The following IQSEC1 variants were observed in gnomAD, a reference collection of about 807,000 sequenced individuals.
IQSEC1 encodes the protein IQ motif and Sec7 domain ArfGEF 1.
A neutral mutation model predicts 91.0 loss-of-function variants in IQSEC1; 31 were observed. That is an observed-to-expected ratio of 0.34 (90% confidence interval 0.26 to 0.46). The LOEUF (loss-of-function observed/expected upper bound fraction) is 0.46, where lower values mean the gene tolerates loss of function less well. Ranked by LOEUF, IQSEC1 falls within the 20% of genes least tolerant of loss-of-function variation. The probability of loss-of-function intolerance (pLI) is 1.00; values close to 1 mark genes in which losing one functional copy is unlikely to be tolerated. For synonymous variants in IQSEC1, 699 were observed against 662.6 expected (o/e 1.05, Z -0.84); for missense variants, 1,388 against 1,575.6 (o/e 0.88, Z 2.02).
intron 2 of IQSEC1, among the ~76,000 whole-genome samples, chr3:13,128,286 T>C (rs1038905027): frequency 6.6e-6 from 1 of 152,230 alleles, no homozygotes; most frequent in African/African-American, 2.4e-5. Context: ...AATATACTAA[T>C]GATGCTATCA....
chr3:13,125,677 G>C (rs570683682), intron 2 of IQSEC1, among the ~76,000 whole-genome samples: 5 of 152,338 alleles, frequency 3.3e-5, no homozygotes, highest in African/African-American at 1.2e-4. Flanking sequence ...TGAGATAACA[G>C]CATCATCCAC....
In IQSEC1 at chr3:12,899,997, C is replaced by T. The variant is rs1489370308; in HGVS notation, c.*986G>A. 4 of 985,292 alleles carry T rather than the reference C, an allele frequency of 4.1e-6. No homozygotes were observed. The highest frequency in any genetic ancestry group is 9.4e-5 in the South Asian group (2 of 21,270). The allele number at this position is 985,292 out of a possible 1,614,324, so 61.0% of individuals were successfully genotyped here. On this transcript the variant is annotated 3_prime_UTR_variant, in exon 14 of 14. Coordinates refer to ENST00000613206, the MANE Select transcript of IQSEC1 (RefSeq NM_001134382.3). ...ATGGATCATGGAGAGTCACAGTTATCGCAGCCATTAAAGTGTCTAAGAATC... is the reference window on the plus strand; with the variant it reads ...ATGGATCATGGAGAGTCACAGTTATTGCAGCCATTAAAGTGTCTAAGAATC...
At chr3:13,165,241 A>G (rs989916053) in intron 1 of IQSEC1, among the ~76,000 whole-genome samples, 1 of 152,084 alleles carries the variant, frequency 6.6e-6, no homozygotes, top group East Asian at 1.9e-4. Flanking sequence ...TTCAGCATCA[A>G]TGCACAGCAA....
chr3:13,178,926 G>C (rs182062632), intron 1 of IQSEC1, among the ~76,000 whole-genome samples: 1 of 152,010 alleles, frequency 6.6e-6, no homozygotes, highest in African/African-American at 2.4e-5. Context: ...AAACACCTTC[G>C]GTCATCCCAA....
At chr3:13,244,403 TACA>T (rs1423111393) in intron 1 of IQSEC1, among the ~76,000 whole-genome samples, 2 of 152,306 alleles carry the variant, frequency 1.3e-5, no homozygotes, top group East Asian at 1.9e-4. Context: ...CAGCTGAAAT[TACA>T]ACAATTACAC....
intron 1 of IQSEC1, among the ~76,000 whole-genome samples, chr3:13,228,830 A>G (rs778439926): frequency 2.6e-4 from 39 of 152,288 alleles, no homozygotes; most frequent in Non-Finnish European, 4.3e-4. Context: ...CTCGGTACCG[A>G]CAGGATCCCT....
intron 2 of IQSEC1, among the ~76,000 whole-genome samples, chr3:13,096,242 A>C (rs1705952364): frequency 6.6e-6 from 1 of 152,226 alleles, no homozygotes; most frequent in Non-Finnish European, 1.5e-5. Context: ...AGTGGGAGGC[A>C]CAGGTAAGAC....
At chr3:12,902,898 C>T in intron 12 of IQSEC1, 76 bp from the exon 13 acceptor site, 2 of 1,109,166 alleles carry the variant, frequency 1.8e-6, no homozygotes, top group Non-Finnish European at 2.8e-6. Context: ...TGCCACGCTG[C>T]TGCCACGGAG....
chr3:12,910,522 C>T (rs902033343), intron 10 of IQSEC1, among the ~76,000 whole-genome samples: 1 of 152,228 alleles, frequency 6.6e-6, no homozygotes, highest in Admixed American at 6.5e-5. Flanking sequence ...TGGCACTGGC[C>T]TCCCCTGGGA....
At chr3:13,071,558 GGGAAA>G (rs1705428484) in intron 1 of IQSEC1, among the ~76,000 whole-genome samples, 1 of 152,182 alleles carries the variant, frequency 6.6e-6, no homozygotes, top group Non-Finnish European at 1.5e-5. Context: ...GTTCCACGCT[GGGAAA>G]GGATTTACTA....
At chr3:12,907,593 G>C (rs1022791992) in intron 12 of IQSEC1, among the ~76,000 whole-genome samples, 1 of 152,212 alleles carries the variant, frequency 6.6e-6, no homozygotes, top group African/African-American at 2.4e-5. Flanking sequence ...GGCACCCACC[G>C]GTCGGCCAGT....
intron 1 of IQSEC1, among the ~76,000 whole-genome samples, chr3:12,981,458 G>A (rs527798335): frequency 3.3e-5 from 5 of 152,026 alleles, no homozygotes; most frequent in African/African-American, 1.2e-4. Context: ...GACATCTCTG[G>A]GGGGGAGAAC....
rs751582232 is a variant in IQSEC1 at position 12,943,622 on chromosome 3, GCCTCCTTCAGA to G, written c.24-1768_24-1758del. Among the ~76,000 whole-genome samples the G allele has an allele frequency of 6.2e-4, 95 of 152,288 alleles. 2 individuals carry two copies. The highest frequency in any genetic ancestry group is 6.8e-3 in the Middle Eastern group (2 of 294). Reference sequence around the variant, plus strand: ...CTCAGCTGCGGTGCCCCCTCCTGGTGCCTCCTTCAGACCTCCTTCAGACCCAGGGCAGTGGG... The same window carrying G: ...CTCAGCTGCGGTGCCCCCTCCTGGTGCCTCCTTCAGACCCAGGGCAGTGGG... On this transcript the variant is annotated intron_variant, in intron 1 of 13. Coordinates refer to ENST00000613206, the MANE Select transcript of IQSEC1 (RefSeq NM_001134382.3).
In IQSEC1 at chr3:12,936,207, G is replaced by C. The variant is rs749332755; in HGVS notation, c.809C>G (p.Ala270Gly). 5.0e-6 allele frequency: 8 copies of C among 1,612,872 alleles called. No homozygotes were observed. In the South Asian group the frequency reaches 8.8e-5, roughly 18 times the overall value. Residue 270 changes from alanine to glycine, a missense_variant, in exon 3 of 14, where the codon GCC (alanine) becomes GGC (glycine). Ala to Gly is a moderately conservative substitution (Grantham distance 60). This residue lies in a region of IQSEC1 where 1,059 missense variants were observed against 1,317.8 expected (regional missense o/e 0.80). Transcript: ENST00000613206. ...TTTGCGGTGGTCCATGCCGTGCAGG[G>C]CTGTCTGGGGTTCGGTGTCCCGGGC... ...ARARDTEPQT[A>G]LHGMDHRKLD...
At chr3:13,197,061 C>T (rs890299217) in intron 1 of IQSEC1, among the ~76,000 whole-genome samples, 10 of 152,090 alleles carry the variant, frequency 6.6e-5, no homozygotes, top group Non-Finnish European at 1.3e-4. Flanking sequence ...CCCCTGTGCC[C>T]TGGGACACTG....
intron 1 of IQSEC1, among the ~76,000 whole-genome samples, chr3:12,953,767 T>A (rs1380312642): frequency 6.6e-6 from 1 of 152,180 alleles, no homozygotes; most frequent in African/African-American, 2.4e-5. Flanking sequence ...CACCCTAATG[T>A]TGTCATGACA....
chr3:12,915,713 T>A lies in IQSEC1; in HGVS notation c.2041A>T (p.Ile681Phe). The A allele has an allele frequency of 1.2e-6, 2 of 1,614,118 alleles. No homozygotes were observed. Among genetic ancestry groups the A allele is most frequent in the Non-Finnish European group, 1.7e-6 (2 of 1,179,988 alleles). Residue 681 changes from isoleucine to phenylalanine, a missense_variant, in exon 7 of 14, where the codon ATT becomes TTT. Ile to Phe is a conservative substitution (Grantham distance 21). Coordinates refer to ENST00000613206, the MANE Select transcript of IQSEC1 (RefSeq NM_001134382.3). ...NLRGVDDGED[I>F]PREMLMGIYE... is the part of the protein sequence containing the mutation. ...ATCCCCATCAGCATCTCACGGGGAA[T>A]GTCCTCACCATCGTCCACACCTGGG...
chr3:13,070,502 A>G (rs571181010), intron 1 of IQSEC1, among the ~76,000 whole-genome samples: 1 of 152,224 alleles, frequency 6.6e-6, no homozygotes, highest in Non-Finnish European at 1.5e-5. Context: ...AGGTCTGAGC[A>G]GCAGGTGCTG....
intron 1 of IQSEC1, among the ~76,000 whole-genome samples, chr3:13,024,457 C>T (rs1334139969): frequency 1.3e-5 from 2 of 150,664 alleles, no homozygotes; most frequent in African/African-American, 2.4e-5. Context: ...ATCCACCCAT[C>T]TGTCCATCCA....
Sources: allele counts gnomAD v4.1 joint callset (sites outside exome capture counted in the v4.1 genomes callset), GRCh38; gene constraint gnomAD v4.1.1; regional missense constraint gnomAD v4.1.1; transcripts MANE v1.5; gene names NCBI Gene and HGNC (gene_info 2026-07-23, HGNC 2026-07-21).